Variants in DNAI1 observed in about 807,000 individuals in gnomAD.
DNAI1 encodes the protein dynein axonemal intermediate chain 1.
Under a neutral mutation model 92.0 loss-of-function variants are expected in DNAI1, and 67 were observed. The ratio of observed to expected loss-of-function variants is 0.73; its 90% CI spans 0.60 to 0.89. DNAI1 has a LOEUF of 0.89. Ranked by LOEUF, DNAI1 falls within the 40% of genes least tolerant of loss-of-function variation. The pLI, the probability that DNAI1 is intolerant of heterozygous loss-of-function variation, is 0.00. For synonymous variants in DNAI1, 323 were observed against 319.6 expected (o/e 1.01, Z -0.11); for missense variants, 839 against 866.6 (o/e 0.97, Z 0.40).
At chr9:34,465,085 C>T (rs1395796459) in intron 1 of DNAI1, among the ~76,000 whole-genome samples, 2 of 152,094 alleles carry the variant, frequency 1.3e-5, no homozygotes, top group Non-Finnish European at 2.9e-5. Flanking sequence ...TAAGATATAA[C>T]TATTAGATTT....
Position 34,514,484 on chromosome 9 carries a change from A to G in DNAI1, c.1660A>G (p.Lys554Glu). Residue 554 changes from lysine to glutamate, a missense_variant, in exon 17 of 20, where the codon AAG (lysine) becomes GAG (glutamate). Lys to Glu is a moderately conservative substitution (Grantham distance 56, BLOSUM62 1). Coordinates refer to ENST00000242317, the MANE Select transcript of DNAI1 (RefSeq NM_012144.4). ...DTVSWNPYHT[K>E]VFMSCSSDWT... Reference sequence around the variant, plus strand: ...TGTGTCCTGGAACCCATACCACACCAAGGTCTTCATGTCCTGCAGCTCCGA... The same window carrying G: ...TGTGTCCTGGAACCCATACCACACCGAGGTCTTCATGTCCTGCAGCTCCGA... 2 of 1,614,136 alleles carry G rather than the reference A, an allele frequency of 1.2e-6. No individual in the cohort carries two copies. The highest frequency in any genetic ancestry group is 1.7e-6 in the Non-Finnish European group (2 of 1,180,026).
At chr9:34,504,266 C>T (rs962163601) in intron 12 of DNAI1, among the ~76,000 whole-genome samples, 1 of 152,192 alleles carries the variant, frequency 6.6e-6, no homozygotes. Flanking sequence ...CCTGGGCCTG[C>T]CCAGGCCAGA....
At chr9:34,516,253 G>A (rs1825169420) in intron 18 of DNAI1, among the ~76,000 whole-genome samples, 1 of 152,202 alleles carries the variant, frequency 6.6e-6, no homozygotes, top group African/African-American at 2.4e-5. Flanking sequence ...AACATGAGGT[G>A]AGAGTGGGGA....
intron 13 of DNAI1, among the ~76,000 whole-genome samples, chr9:34,509,652 A>T (rs1387062727): frequency 6.6e-6 from 1 of 152,124 alleles, no homozygotes; most frequent in Non-Finnish European, 1.5e-5. Flanking sequence ...CTGCAGCATG[A>T]GTGATTTTGA....
intron 1 of DNAI1, among the ~76,000 whole-genome samples, chr9:34,472,899 TAA>T (rs561518253): frequency 7.2e-5 from 10 of 138,082 alleles, no homozygotes; most frequent in African/African-American, 8.1e-5. Flanking sequence ...AGACCCTGAC[TAA>T]AAAAAAAAAA....
intron 1 of DNAI1, among the ~76,000 whole-genome samples, chr9:34,466,237 G>A (rs1439494578): frequency 6.6e-6 from 1 of 152,138 alleles, no homozygotes; most frequent in Non-Finnish European, 1.5e-5. Context: ...CTTTATCCTA[G>A]TTAAAGCAGC....
chr9:34,461,911 G>T (rs998233209), intron 1 of DNAI1, among the ~76,000 whole-genome samples: 6 of 152,148 alleles, frequency 3.9e-5, no homozygotes, highest in African/African-American at 1.4e-4. Flanking sequence ...GATAAAGGAG[G>T]ATGGGATCCC....
In DNAI1 at chr9:34,517,465, A is replaced by G. The variant is rs560719255; in HGVS notation, c.1999A>G (p.Lys667Glu). ...CTCACCCAATTTGCGCAAGATGCCA[A>G]AGGTACAGGCTCTGGGACTTTGAGC... The part of the protein sequence containing the change: ...KLSPNLRKMP[K>E]EKKGQEVQKG... The change falls in exon 19 of 20, where the codon AAG becomes GAG. Residue 667 changes from lysine to glutamate, a missense_variant and splice_region_variant. By Grantham distance (56) the Lys-to-Glu change is moderately conservative (BLOSUM62 1). Transcript: ENST00000242317. 7.6e-5 allele frequency: 123 copies of G among 1,614,160 alleles called. No homozygotes were observed. The East Asian group carries it at 1.9e-3, about 25-fold the overall frequency.
chr9:34,481,435 G>A (rs1039772327), intron 1 of DNAI1, among the ~76,000 whole-genome samples: 1 of 152,200 alleles, frequency 6.6e-6, no homozygotes, highest in Admixed American at 6.5e-5. Context: ...GGACCTGTCT[G>A]GCTGGGCGCA....
At chr9:34,510,155 G>A (rs894101303) in intron 13 of DNAI1, among the ~76,000 whole-genome samples, 2 of 152,176 alleles carry the variant, frequency 1.3e-5, no homozygotes, top group African/African-American at 2.4e-5. Flanking sequence ...TCAAATGCCA[G>A]GCTGAGGCAG....
intron 9 of DNAI1, among the ~76,000 whole-genome samples, chr9:34,494,369 C>T (rs1322871801): frequency 6.6e-6 from 1 of 152,148 alleles, no homozygotes; most frequent in Non-Finnish European, 1.5e-5. Context: ...CAGTCACTGA[C>T]CAAGTACCTA....
chr9:34,498,133 C>T (rs541890984), intron 10 of DNAI1, among the ~76,000 whole-genome samples: 1 of 152,198 alleles, frequency 6.6e-6, no homozygotes, highest in Admixed American at 6.5e-5. Flanking sequence ...ATGGGCCTTA[C>T]CACACCTGAC....
chr9:34,471,896 T>C (rs1824143002), intron 1 of DNAI1, among the ~76,000 whole-genome samples: 1 of 152,218 alleles, frequency 6.6e-6, no homozygotes, highest in Non-Finnish European at 1.5e-5. Flanking sequence ...CAAAAGATTG[T>C]TATAATGATC....
chr9:34,467,711 T>C (rs943143961), intron 1 of DNAI1, among the ~76,000 whole-genome samples: 1 of 150,468 alleles, frequency 6.6e-6, no homozygotes, highest in African/African-American at 2.5e-5. Flanking sequence ...ATTCTGGCCA[T>C]GGTGCAGAAA....
intron 1 of DNAI1, among the ~76,000 whole-genome samples, chr9:34,463,764 A>G (rs1168809818): frequency 1.3e-5 from 2 of 151,548 alleles, no homozygotes; most frequent in Non-Finnish European, 1.5e-5. Flanking sequence ...TGGTCTCTCA[A>G]GAGGCTCCTA....
chr9:34,481,708 C>G (rs1474308153), intron 1 of DNAI1, among the ~76,000 whole-genome samples: 2 of 152,140 alleles, frequency 1.3e-5, no homozygotes, highest in Admixed American at 6.5e-5. Context: ...GTGAGTGTTA[C>G]AGCTCTTAAG....
chr9:34,483,360 T>C, intron 1 of DNAI1, 88 bp from the exon 2 acceptor site: 1 of 1,351,904 alleles, frequency 7.4e-7, no homozygotes. Context: ...GTGAGATCCC[T>C]GGGCAGGAGC....
Position 34,520,824 on chromosome 9 carries a change from G to C in DNAI1, c.*68G>C. On this transcript the variant is annotated 3_prime_UTR_variant, in exon 20 of 20. Transcript: ENST00000242317. Reference sequence around the variant, plus strand: ...TCCTAGGGCTTGACCCTGGTACCCAGCCCAGCCTTAGCACCCAGCATGTGA... The same window carrying C: ...TCCTAGGGCTTGACCCTGGTACCCACCCCAGCCTTAGCACCCAGCATGTGA... 6.7e-7 allele frequency: 1 copy of C among 1,484,212 alleles called. No individual in the cohort carries two copies. The highest frequency in any genetic ancestry group is 9.2e-7 in the Non-Finnish European group (1 of 1,086,262). 91.9% of individuals were successfully genotyped at this position (1,484,212 alleles called of 1,614,324 possible). A position where few individuals can be genotyped will look rare whatever the true frequency, so the allele number is the denominator to read the frequency against.
intron 1 of DNAI1, among the ~76,000 whole-genome samples, chr9:34,467,472 CA>C (rs2132041535): frequency 6.6e-6 from 1 of 150,682 alleles, no homozygotes; most frequent in Admixed American, 6.6e-5. Context: ...CACACACACA[CA>C]CACACACACC....
Sources: gnomAD v4.1 joint callset for allele counts (sites outside exome capture counted in the v4.1 genomes callset) on GRCh38, gnomAD v4.1.1 for gene constraint, MANE v1.5 for transcripts, NCBI Gene and HGNC (gene_info 2026-07-23, HGNC 2026-07-21) for gene names.